Variants in OFD1 observed in about 807,000 individuals in gnomAD.
OFD1 encodes OFD1 centriole and centriolar satellite protein, also known as centriole and centriolar satellite protein OFD1.
OFD1 carries 12 observed loss-of-function variants against 81.4 expected under a neutral mutation model. The ratio of observed to expected loss-of-function variants is 0.15; its 90% CI spans 0.09 to 0.24. The LOEUF (loss-of-function observed/expected upper bound fraction) is 0.24. OFD1 is among the 10% of genes least tolerant of loss of function. The pLI is 1.00. For synonymous variants in OFD1, 256 were observed against 263.7 expected (o/e 0.97, Z 0.28); for missense variants, 685 against 733.9 (o/e 0.93, Z 0.77).
At chrX:13,735,180 C>T in intron 1 of OFD1, 68 bp from the exon 2 acceptor site, 1 of 1,192,845 alleles carries the variant, frequency 8.4e-7, no homozygotes. Context: ...CCGGAGGCCA[C>T]TGGTCTGTTT....
At chrX:13,760,987 C>T in intron 16 of OFD1, 98 bp from the exon 17 acceptor site, 1 of 1,037,014 alleles carries the variant, frequency 9.6e-7, no homozygotes, top group Non-Finnish European at 1.4e-6. Context: ...GTGAGGATAA[C>T]AGTTTATTTT....
intron 14 of OFD1, 125 bp from the exon 15 acceptor site, chrX:13,758,212 T>C: frequency 2.0e-6 from 1 of 490,651 alleles, no homozygotes; most frequent in Non-Finnish European, 3.5e-6. Flanking sequence ...TGTTGTTTAC[T>C]GTCATAAAGC....
chrX:13,768,676 C>A lies in OFD1; in HGVS notation c.2929-42C>A, dbSNP rs746822880. 55 of 961,551 alleles carry A rather than the reference C, an allele frequency of 5.7e-5. No homozygotes were observed. The South Asian group carries it at 1.0e-3, about 18-fold the overall frequency. The allele number at this position is 961,551 out of a possible 1,213,427, so 79.2% of individuals were successfully genotyped here. A position where few individuals can be genotyped will look rare whatever the true frequency, so the allele number is the denominator to read the frequency against. Reference sequence around the variant, plus strand: ...CTTAAAGTATTTCATGAAATTAATGCATATCTAATTTCAAAATTTTCCACC... The same window carrying A: ...CTTAAAGTATTTCATGAAATTAATGAATATCTAATTTCAAAATTTTCCACC... On this transcript the variant is annotated intron_variant, in intron 21 of 22. Coordinates refer to ENST00000340096, the MANE Select transcript of OFD1 (RefSeq NM_003611.3).
the OFD1 span, among the ~76,000 whole-genome samples, chrX:13,724,448 A>C: frequency 9.1e-6 from 1 of 110,094 alleles, no homozygotes; most frequent in Non-Finnish European, 1.9e-5. Flanking sequence ...ATCAGGAAAA[A>C]GCAAGGGAGA....
intron 7 of OFD1, 130 bp from the exon 8 acceptor site, chrX:13,746,649 AG>A: frequency 1.5e-6 from 1 of 669,652 alleles, no homozygotes. Flanking sequence ...AGAGTGAATG[AG>A]ATAAAACTAA....
chrX:13,720,660 A>T, the OFD1 span: 1 of 112,155 alleles, frequency 8.9e-6, no homozygotes, highest in Non-Finnish European at 1.9e-5. Flanking sequence ...AGAGTTTTGT[A>T]TTCTAGAAAA....
chrX:13,733,916 T>G (rs994743967), upstream of OFD1: 4 of 464,882 alleles, frequency 8.6e-6, no homozygotes, highest in East Asian at 1.5e-4. Flanking sequence ...CTTTAAACTC[T>G]TTATCCAGTC....
chrX:13,762,550 G>A lies in OFD1; in HGVS notation c.2488+106G>A. The A allele has an allele frequency of 5.9e-6, 3 of 509,002 alleles. No individual in the cohort carries two copies. The South Asian group carries it at 8.9e-5, about 15-fold the overall frequency. 41.9% of individuals were successfully genotyped at this position (509,002 alleles called of 1,213,427 possible). ...AAAAAGAAAAGCAGTTACAAATTGGGTCATTATTATTTTGTGATACAACCA... is the reference window on the plus strand; with the variant it reads ...AAAAAGAAAAGCAGTTACAAATTGGATCATTATTATTTTGTGATACAACCA... On this transcript the variant is annotated intron_variant, in intron 18 of 22. Transcript: ENST00000340096.
In OFD1 at chrX:13,736,544, C is replaced by T. The variant is rs758996532; in HGVS notation, c.178C>T (p.Arg60Trp). ...TGTATTGAGTGGAGAACTGCAGCCTCGGTCCATTTCAGTAGAAGGGAGCTC... is the reference window on the plus strand; with the variant it reads ...TGTATTGAGTGGAGAACTGCAGCCTTGGTCCATTTCAGTAGAAGGGAGCTC... ...HPVLSGELQP[R>W]SISVEGSSLL... The change falls in exon 3 of 23, where the codon CGG (arginine) becomes TGG (tryptophan). Residue 60 changes from arginine (R) to tryptophan (W), a missense_variant. By Grantham distance (101) the Arg-to-Trp change is moderately radical (BLOSUM62 -3). Transcript: ENST00000340096. 6 of 1,210,423 alleles carry T rather than the reference C, an allele frequency of 5.0e-6. No individual in the cohort carries two copies. Among genetic ancestry groups the T allele is most frequent in the Non-Finnish European group, 4.5e-6 (4 of 894,306 alleles).
chrX:13,750,877 T>C (rs2047476022), intron 9 of OFD1, among the ~76,000 whole-genome samples: 1 of 112,666 alleles, frequency 8.9e-6, no homozygotes, highest in South Asian at 3.6e-4. Flanking sequence ...TTATAGAAGA[T>C]TTAAGCACAT....
chrX:13,746,784 A>C lies in OFD1; in HGVS notation c.659A>C (p.Lys220Thr). ...QLRAEMCQKL[K>T]FFKDTEIAKI... Reference sequence around the variant, plus strand: ...TTTTTTGTGATCAATTTGCAGTTGAAGTTTTTTAAAGATACCGAGATAGCA... The same window carrying C: ...TTTTTTGTGATCAATTTGCAGTTGACGTTTTTTAAAGATACCGAGATAGCA... The change falls in exon 8 of 23, where the codon AAG (lysine) becomes ACG (threonine). Residue 220 changes from lysine to threonine, a missense_variant. Transcript: ENST00000340096. The C allele has an allele frequency of 8.4e-7, 1 of 1,192,892 alleles. No homozygotes were observed. Among genetic ancestry groups the C allele is most frequent in the East Asian group, 3.0e-5 (1 of 33,767 alleles).
At chrX:13,731,159 A>G (rs1204899751), upstream of OFD1, among the ~76,000 whole-genome samples, 4 of 112,481 alleles carry the variant, frequency 3.6e-5, no homozygotes, top group East Asian at 5.5e-4. Context: ...ATGTGATTGC[A>G]TAACTGCTGA....
chrX:13,747,574 G>A (rs973885901), intron 8 of OFD1, among the ~76,000 whole-genome samples: 9 of 112,009 alleles, frequency 8.0e-5, no homozygotes, highest in Non-Finnish European at 1.3e-4. Flanking sequence ...AAGGGAAGCA[G>A]AGGAGAGGGC....
intron 16 of OFD1, 95 bp from the exon 17 acceptor site, chrX:13,760,989 GT>G: frequency 1.7e-5 from 18 of 1,067,208 alleles, no homozygotes; most frequent in Non-Finnish European, 2.2e-5. Context: ...GAGGATAACA[GT>G]TTATTTTCAA....
chrX:13,762,029 T>C (rs962582718), intron 17 of OFD1, among the ~76,000 whole-genome samples: 4 of 109,223 alleles, frequency 3.7e-5, no homozygotes, highest in Admixed American at 3.0e-4. Context: ...TTCATGCTGA[T>C]AGTGTGCAGA....
chrX:13,736,205 T>A (rs1209764794), intron 2 of OFD1: 2 of 928,278 alleles, frequency 2.2e-6, no homozygotes, highest in Non-Finnish European at 2.7e-6. Context: ...AAGTTATGAG[T>A]CTGCAAGTGG....
chrX:13,767,389 T>G lies in OFD1; in HGVS notation c.2757+105T>G. The stretch of plus-strand genomic sequence containing the variant: ...GTCAATTGGTGTACAAAGTCAGAGG[T>G]GCGGCAGATGCCTTAAAAGGCATCC... On this transcript the variant is annotated intron_variant, in intron 20 of 22. Transcript: ENST00000340096. 4.8e-6 allele frequency: 4 copies of G among 824,791 alleles called. No individual in the cohort carries two copies. In the East Asian group the frequency reaches 9.4e-5, roughly 19 times the overall value. 68.0% of individuals were successfully genotyped at this position (824,791 alleles called of 1,213,427 possible).
At position 13,769,259 on chromosome X, in the gene OFD1, C is replaced by T; in HGVS notation, c.*151C>T. 1 of 509,090 alleles carries T rather than the reference C, an allele frequency of 2.0e-6. No homozygotes were observed. The highest frequency in any genetic ancestry group is 3.4e-5 in the East Asian group (1 of 29,667). The allele number at this position is 509,090 out of a possible 1,213,427, so 42.0% of individuals were successfully genotyped here. Reference sequence around the variant, plus strand: ...TTTTTTCCATAATTAATTTTGATACCATAGTGTGTGAACCAAGAATAATCT... The same window carrying T: ...TTTTTTCCATAATTAATTTTGATACTATAGTGTGTGAACCAAGAATAATCT... On this transcript the variant is annotated 3_prime_UTR_variant, in exon 23 of 23. Coordinates refer to ENST00000340096, the MANE Select transcript of OFD1 (RefSeq NM_003611.3).
intron 5 of OFD1, among the ~76,000 whole-genome samples, 189 bp from the exon 6 acceptor site, chrX:13,744,226 G>A (rs1379418235): frequency 4.5e-5 from 5 of 111,450 alleles, no homozygotes; most frequent in Non-Finnish European, 7.5e-5. Context: ...CCAGGAGGTC[G>A]AGGCCGCAGT....
Sources: allele counts gnomAD v4.1 joint callset (sites outside exome capture counted in the v4.1 genomes callset), GRCh38; gene constraint gnomAD v4.1.1; transcripts MANE v1.5; gene names NCBI Gene and HGNC (gene_info 2026-07-23, HGNC 2026-07-21).